Variants in GSN observed in about 807,000 individuals in gnomAD.
GSN encodes the protein gelsolin, also known as actin-depolymerizing factor.
A neutral mutation model predicts 85.7 loss-of-function variants in GSN; 56 were observed. The ratio of observed to expected loss-of-function variants is 0.65; its 90% CI spans 0.53 to 0.82. GSN has a LOEUF of 0.82. Among genes scored for constraint, GSN ranks in the 40% least tolerant of loss-of-function variants. GSN has a pLI of 0.00. For synonymous variants in GSN, 373 were observed against 399.1 expected (o/e 0.93, Z 0.78); for missense variants, 857 against 979.8 (o/e 0.87, Z 1.67).
intron 7 of GSN, among the ~76,000 whole-genome samples, chr9:121,316,532 G>A (rs764258731): frequency 2.6e-5 from 4 of 151,994 alleles, no homozygotes; most frequent in Admixed American, 6.6e-5. Flanking sequence ...GTGTAGTGAC[G>A]CAATCATAGC....
intron 5 of GSN, chr9:121,311,784 G>T (rs2061179742): frequency 1.3e-5 from 2 of 153,442 alleles, no homozygotes; most frequent in African/African-American, 4.8e-5. Flanking sequence ...GTTGTAGGTT[G>T]TTCATTTTCC....
At chr9:121,239,670 A>C (rs1044918328) in intron 5 of GSN, 1 of 302,988 alleles carries the variant, frequency 3.3e-6, no homozygotes, top group Non-Finnish European at 6.5e-6. Context: ...CCATCGCATG[A>C]TATCAAAGAA....
chr9:121,326,767 G>A (rs529565742), intron 13 of GSN, 85 bp downstream of exon 13: 39 of 1,175,562 alleles, frequency 3.3e-5, no homozygotes, highest in African/African-American at 4.5e-5. Context: ...GCACAGGAAC[G>A]GGGGCAGGGG....
At position 121,299,792 on chromosome 9, in the gene GSN, C is replaced by A. The variant is rs2059595937; in HGVS notation, c.-9-2171C>A. On this transcript the variant is annotated intron_variant, in intron 2 of 17. Coordinates refer to ENST00000432226, the MANE Select transcript of GSN (RefSeq NM_198252.3). This position sits in a 1 kb window ranked among gnomAD's most constrained non-coding sequence, Gnocchi z 4.2. ...CGGTCCCCGGCTTGGGCGGGATGGG[C>A]GGGCGGCTACTTAAGGTCGGCGACC... 8.0e-7 allele frequency: 1 copy of A among 1,244,060 alleles called. No individual in the cohort carries two copies. Among genetic ancestry groups the A allele is most frequent in the Non-Finnish European group, 1.0e-6 (1 of 987,280 alleles). The allele number at this position is 1,244,060 out of a possible 1,614,324, so 77.1% of individuals were successfully genotyped here.
At position 121,329,229 on chromosome 9, in the gene GSN, C is replaced by T. The variant is rs374245364; in HGVS notation, c.1888-9C>T. 17 of 1,603,338 alleles carry T rather than the reference C, an allele frequency of 1.1e-5. No individual in the cohort carries two copies. Among genetic ancestry groups the T allele is most frequent in the Non-Finnish European group, 1.3e-5 (15 of 1,170,336 alleles). ...GACATCTCACTGATGCTCTTTCGTT[C>T]CTTCCCAGATCGAAGAGGTTCCTGG... On this transcript the variant is annotated splice_polypyrimidine_tract_variant and intron_variant, in intron 15 of 17. Coordinates refer to ENST00000432226, the MANE Select transcript of GSN (RefSeq NM_198252.3). The surrounding 1 kb of genome is among the most constrained non-coding windows in gnomAD (Gnocchi z 4.6).
At chr9:121,270,274 C>T (rs1473692386) in intron 1 of GSN, among the ~76,000 whole-genome samples, 1 of 152,176 alleles carries the variant, frequency 6.6e-6, no homozygotes, top group Non-Finnish European at 1.5e-5. Context: ...TGGACCTCAT[C>T]CTGAAGGCAA....
rs1589088559 is a variant in GSN at position 121,314,172 on chromosome 9, C to G, written c.753+149C>G. ...CTTTCTCACGTCTCCAGTGGATGCT[C>G]GTGTACTTCCTTTGCTTTCCTGCAC... is the stretch of plus-strand genomic sequence containing the variant. On this transcript the variant is annotated intron_variant, in intron 7 of 17. Transcript: ENST00000432226. The G allele has an allele frequency of 5.6e-6, 4 of 712,518 alleles. 1 individual carries two copies. Among genetic ancestry groups the G allele is most frequent in the East Asian group, 5.4e-5 (2 of 37,236 alleles). 44.1% of individuals were successfully genotyped at this position (712,518 alleles called of 1,614,324 possible).
At chr9:121,283,846 C>CG (rs1437036855) in intron 2 of GSN, 2 of 167,198 alleles carry the variant, frequency 1.2e-5, no homozygotes, top group African/African-American at 4.8e-5. Context: ...GTGAAGGAAA[C>CG]GATCAGGTTA....
chr9:121,229,543 A>G (rs377004339), intron 4 of GSN, among the ~76,000 whole-genome samples: 1 of 152,198 alleles, frequency 6.6e-6, no homozygotes, highest in East Asian at 1.9e-4. Context: ...TGAGAAATCC[A>G]AGCCAGTTGT....
At position 121,219,239 on chromosome 9, in the gene GSN, C is replaced by A. The variant is rs201513287; in HGVS notation, c.-528+8372C>A. The stretch of plus-strand genomic sequence containing the variant: ...CAGTTCCCCAAAACACACCAAATAC[C>A]AGAAGGTTCAAGTTAGGGGATTTTT... On this transcript the variant is annotated intron_variant, in intron 4 of 24. Coordinates refer to the GSN transcript ENST00000373823. Among the ~76,000 whole-genome samples the A allele has an allele frequency of 1.5e-4, 22 of 151,566 alleles. No homozygotes were observed. The East Asian group carries it at 4.3e-3, about 30-fold the overall frequency.
chr9:121,328,900 G>T lies in GSN; in HGVS notation c.1772G>T (p.Trp591Leu). ...VAEGSEPDGFWEALGGKAAYR... is the reference protein window; with the variant it reads ...VAEGSEPDGFLEALGGKAAYR... ...TGGCCTCCCCTCACAGATGGCTTCTGGGAGGCCCTGGGCGGGAAGGCTGCC... is the reference window on the plus strand; with the variant it reads ...TGGCCTCCCCTCACAGATGGCTTCTTGGAGGCCCTGGGCGGGAAGGCTGCC... The change falls in exon 15 of 18, where the codon TGG becomes TTG. Residue 591 changes from tryptophan (W) to leucine (L), a missense_variant. Physicochemically the swap from Trp to Leu is moderately conservative, Grantham distance 61. Transcript: ENST00000432226. 6.2e-7 allele frequency: 1 copy of T among 1,611,592 alleles called. No individual in the cohort carries two copies.
chr9:121,221,060 C>T (rs781427131), intron 4 of GSN, among the ~76,000 whole-genome samples: 16 of 152,202 alleles, frequency 1.1e-4, no homozygotes, highest in Non-Finnish European at 2.2e-4. Flanking sequence ...TGGCAGACTC[C>T]ATCTCCTGCT....
At chr9:121,303,136 C>T (rs1240881105) in intron 4 of GSN, 71 bp downstream of exon 4, 1 of 1,487,760 alleles carries the variant, frequency 6.7e-7, no homozygotes, top group East Asian at 2.3e-5. Flanking sequence ...TCAGGCCCAT[C>T]TATCTTTTGG....
In GSN at chr9:121,241,348, A is replaced by C. The variant is rs982888086; in HGVS notation, c.-388-6928A>C. ...AAACAAAATCAAATCTGAGCCAATC[A>C]AAATCCTAATTAGGTCTTTTAACTT... On this transcript the variant is annotated intron_variant, in intron 5 of 24. Coordinates refer to the GSN transcript ENST00000373823. Among the ~76,000 whole-genome samples, 6 of 152,364 alleles carry C rather than the reference A, an allele frequency of 3.9e-5. No homozygotes were observed. In the East Asian group the frequency reaches 1.2e-3, roughly 29 times the overall value.
At chr9:121,274,145 G>A (rs2056362945) in intron 1 of GSN, among the ~76,000 whole-genome samples, 1 of 152,132 alleles carries the variant, frequency 6.6e-6, no homozygotes, top group Admixed American at 6.5e-5. Flanking sequence ...AGATGAAATC[G>A]ACAGATAAGT....
intron 2 of GSN, among the ~76,000 whole-genome samples, chr9:121,291,076 G>T (rs1356716039): frequency 2.0e-5 from 3 of 151,814 alleles, no homozygotes; most frequent in Non-Finnish European, 4.4e-5. Flanking sequence ...ATTAAAAAAA[G>T]TAAAAATAAT....
intron 2 of GSN, among the ~76,000 whole-genome samples, chr9:121,286,956 A>T (rs1465268304): frequency 6.6e-6 from 1 of 152,194 alleles, no homozygotes; most frequent in African/African-American, 2.4e-5. Context: ...AGTACTTATC[A>T]TCACAATGGG....
rs753352592 is a variant in GSN, at chr9:121,303,054, C to A, written c.340C>A (p.Leu114Met). Residue 114 changes from leucine (L) to methionine (M), a missense_variant, in exon 4 of 18, where the codon CTG becomes ATG. Coordinates refer to ENST00000432226, the MANE Select transcript of GSN (RefSeq NM_198252.3). ...ATFLGYFKSGLKYKKGGVASG... is the reference protein window; with the variant it reads ...ATFLGYFKSGMKYKKGGVASG... Reference sequence around the variant, plus strand: ...CTTCCTAGGCTACTTCAAGTCTGGCCTGAAGTACAAGGTGGGTTGGGCCCC... The same window carrying A: ...CTTCCTAGGCTACTTCAAGTCTGGCATGAAGTACAAGGTGGGTTGGGCCCC... 1.2e-6 allele frequency: 2 copies of A among 1,613,582 alleles called. No individual in the cohort carries two copies.
In GSN at chr9:121,312,382, G is replaced by C; in HGVS notation, c.557G>C (p.Arg186Thr). The change falls in exon 6 of 18, where the codon AGA (arginine) becomes ACA (threonine). Residue 186 changes from arginine to threonine, a missense_variant. Transcript: ENST00000432226. ...GGTTCCAACAGCAATCGGTATGAAA[G>C]ACTGAAGGCCACACAGGTGTCCAAG... ...WCGSNSNRYE[R>T]LKATQVSKGI... is the part of the protein sequence containing the mutation. 1 of 1,614,152 alleles carries C rather than the reference G, an allele frequency of 6.2e-7. No individual in the cohort carries two copies. The highest frequency in any genetic ancestry group is 8.5e-7 in the Non-Finnish European group (1 of 1,179,990).
Sources: allele counts gnomAD v4.1 joint callset (sites outside exome capture counted in the v4.1 genomes callset), GRCh38; gene constraint gnomAD v4.1.1; non-coding constraint Gnocchi (gnomAD v3.1); transcripts MANE v1.5; gene names NCBI Gene and HGNC (gene_info 2026-07-23, HGNC 2026-07-21).